Variants in SI observed in about 807,000 individuals in gnomAD.
The protein encoded by SI is sucrase-isomaltase, intestinal.
A neutral mutation model predicts 253.3 loss-of-function variants in SI; 235 were observed. That is an observed-to-expected ratio of 0.93 (90% CI 0.83 to 1.03). The LOEUF is 1.03. Among genes scored for constraint, SI ranks in the 50% least tolerant of loss-of-function variants. SI has a pLI of 0.00. For synonymous variants in SI, 819 were observed against 712.0 expected, an observed-to-expected ratio of 1.15 and a Z score of -2.39; for missense variants, 2,442 against 2,211.1, an observed-to-expected ratio of 1.10 and a Z score of -2.09.
At chr3:165,055,930 C>T (rs1015126772) in intron 12 of SI, among the ~76,000 whole-genome samples, 3 of 152,092 alleles carry the variant, frequency 2.0e-5, no homozygotes, top group African/African-American at 4.8e-5. Context: ...CAAAGTCAAT[C>T]TACTAATAAC....
chr3:165,075,898 C>T lies in SI; in HGVS notation c.115G>A (p.Asp39Asn). ...VVLATKTPAV[D>N]EISDSTSTPA... ...ATGCTTTTAATGTACTACTTACCATCAACAGCAGGTGTCTTAGTTGCTAAA... is the reference window on the plus strand; with the variant it reads ...ATGCTTTTAATGTACTACTTACCATTAACAGCAGGTGTCTTAGTTGCTAAA... The change falls in exon 2 of 48, where the codon GAT becomes AAT. Residue 39 changes from aspartate to asparagine, a missense_variant. Asp to Asn is a conservative substitution (Grantham distance 23). Coordinates refer to ENST00000264382, the MANE Select transcript of SI (RefSeq NM_001041.4). The T allele has an allele frequency of 6.5e-7, 1 of 1,533,666 alleles. No homozygotes were observed. The highest frequency in any genetic ancestry group is 9.0e-7 in the Non-Finnish European group (1 of 1,108,040).
intron 16 of SI, among the ~76,000 whole-genome samples, chr3:165,046,621 T>G (rs914887553): frequency 1.2e-4 from 18 of 151,800 alleles, no homozygotes; most frequent in African/African-American, 4.1e-4. Flanking sequence ...TCAATTATCT[T>G]GATTTCATTG....
intron 46 of SI, among the ~76,000 whole-genome samples, chr3:164,982,663 A>C (rs1192921531): frequency 6.6e-6 from 1 of 152,058 alleles, no homozygotes; most frequent in Non-Finnish European, 1.5e-5. Flanking sequence ...TTCAGTCACC[A>C]AATATGCAAG....
At chr3:165,032,458 T>A in intron 24 of SI, 64 bp downstream of exon 24, 1 of 1,096,082 alleles carries the variant, frequency 9.1e-7, no homozygotes, top group Non-Finnish European at 1.4e-6. Flanking sequence ...AGTGCCTGAA[T>A]GGTTATATAA....
Position 165,065,417 on chromosome 3 carries a change from A to C in SI, c.651T>G (p.Ile217Met). 1 of 1,541,266 alleles carries C rather than the reference A, an allele frequency of 6.5e-7. No individual in the cohort carries two copies. The highest frequency in any genetic ancestry group is 8.9e-7 in the Non-Finnish European group (1 of 1,126,362). The change falls in exon 7 of 48, where the codon ATT (isoleucine) becomes ATG (methionine). Residue 217 changes from isoleucine to methionine, a missense_variant. Ile to Met is a conservative substitution (Grantham distance 10, BLOSUM62 1). Coordinates refer to ENST00000264382, the MANE Select transcript of SI (RefSeq NM_001041.4). ...SNGKTLFDTS[I>M]GPLVYSDQYL... Reference sequence around the variant, plus strand: ...ACTGGTCAGAGTACACTAAGGGACCAATGCTGGTGTCAAACCTGCACCATA... The same window carrying C: ...ACTGGTCAGAGTACACTAAGGGACCCATGCTGGTGTCAAACCTGCACCATA...
chr3:165,024,060 T>C (rs1450538758), intron 25 of SI, among the ~76,000 whole-genome samples: 3 of 151,440 alleles, frequency 2.0e-5, no homozygotes, highest in Non-Finnish European at 4.4e-5. Flanking sequence ...TAAATTGTGT[T>C]GTCTGCAAAA....
chr3:165,087,553 C>A, the SI span, among the ~76,000 whole-genome samples: 2 of 152,056 alleles, frequency 1.3e-5, no homozygotes, highest in Non-Finnish European at 2.9e-5. Context: ...GCTTATAGTT[C>A]AATTAGGGTA....
At chr3:165,043,511 C>T (rs1712959789) in intron 16 of SI, among the ~76,000 whole-genome samples, 1 of 151,924 alleles carries the variant, frequency 6.6e-6, no homozygotes, top group African/African-American at 2.4e-5. Context: ...TAATCCCTAA[C>T]TCAACTTCTT....
chr3:165,052,428 G>T (rs1487019329), intron 13 of SI, among the ~76,000 whole-genome samples: 1 of 152,072 alleles, frequency 6.6e-6, no homozygotes, highest in Non-Finnish European at 1.5e-5. Flanking sequence ...GGCCAAGGCG[G>T]GTGGATCATT....
rs979193281 is a variant in SI at position 165,059,874 on chromosome 3, A to T, written c.1146+28T>A. 8 of 1,606,672 alleles carry T rather than the reference A, an allele frequency of 5.0e-6. No homozygotes were observed. The African/African-American group carries it at 8.0e-5, about 16-fold the overall frequency. On this transcript the variant is annotated intron_variant, in intron 10 of 47. Transcript: ENST00000264382. ...TGTGACAATATTTAACTTGATATAT[A>T]TTCCCACGGACCCTTTATTCTACTT...
intron 34 of SI, among the ~76,000 whole-genome samples, chr3:165,011,763 T>C (rs903092787): frequency 8.1e-5 from 12 of 148,694 alleles, no homozygotes; most frequent in Non-Finnish European, 1.6e-4. Context: ...ATTGTTATTA[T>C]TTATTTATTA....
At chr3:165,013,802 G>A (rs1718884191) in intron 33 of SI, among the ~76,000 whole-genome samples, 3 of 152,254 alleles carry the variant, frequency 2.0e-5, no homozygotes, top group Non-Finnish European at 2.9e-5. Flanking sequence ...AATACAGAAT[G>A]AGGAGAAAGT....
At chr3:165,008,309 C>T (rs1455376513) in intron 35 of SI, among the ~76,000 whole-genome samples, 1 of 151,856 alleles carries the variant, frequency 6.6e-6, no homozygotes, top group Non-Finnish European at 1.5e-5. Flanking sequence ...CATCTCCTTC[C>T]CCTCCACTCC....
At chr3:165,051,401 C>T (rs1713420544) in intron 13 of SI, among the ~76,000 whole-genome samples, 1 of 151,886 alleles carries the variant, frequency 6.6e-6, no homozygotes, top group Admixed American at 6.6e-5. Context: ...TATAGTTATT[C>T]CAAAGTACAA....
At chr3:164,980,379 C>A (rs1324849070) in intron 47 of SI, among the ~76,000 whole-genome samples, 1 of 151,804 alleles carries the variant, frequency 6.6e-6, no homozygotes, top group African/African-American at 2.4e-5. Context: ...GCTTTTAATA[C>A]TTTTTACATA....
chr3:165,034,847 T>G (rs910058050), intron 22 of SI, among the ~76,000 whole-genome samples: 19 of 152,056 alleles, frequency 1.2e-4, no homozygotes, highest in African/African-American at 4.6e-4. Flanking sequence ...GAATCACCTT[T>G]TAAAATGATT....
At chr3:165,029,270 T>TAA (rs547091514) in intron 25 of SI, among the ~76,000 whole-genome samples, 8 of 143,664 alleles carry the variant, frequency 5.6e-5, no homozygotes, top group South Asian at 4.3e-4. Context: ...AATCAAAAAA[T>TAA]AAAAAAAAAA....
chr3:164,995,502 C>G (rs867998363), intron 40 of SI, among the ~76,000 whole-genome samples: 15 of 151,848 alleles, frequency 9.9e-5, no homozygotes, highest in Middle Eastern at 6.8e-3. Context: ...CATATTTAAA[C>G]TTAAGTAGAG....
At chr3:165,053,895 A>AT (rs903872894) in intron 13 of SI, among the ~76,000 whole-genome samples, 4 of 151,958 alleles carry the variant, frequency 2.6e-5, no homozygotes, top group Admixed American at 6.6e-5. Context: ...ATCACAGTAA[A>AT]TTTTTTTTAT....
Sources: gnomAD v4.1 joint callset for allele counts (sites outside exome capture counted in the v4.1 genomes callset) on GRCh38, gnomAD v4.1.1 for gene constraint, MANE v1.5 for transcripts, NCBI Gene and HGNC (gene_info 2026-07-23, HGNC 2026-07-21) for gene names.